Variants in DSE observed in about 807,000 individuals in gnomAD.
The protein encoded by DSE is dermatan sulfate epimerase, also known as dermatan-sulfate epimerase.
In DSE, 36 loss-of-function variants were observed where a neutral mutation model predicts 84.4. The ratio of observed to expected loss-of-function variants is 0.43; its 90% CI spans 0.33 to 0.56. DSE has a LOEUF of 0.56. DSE is among the 20% of genes least tolerant of loss of function. The pLI, the probability that DSE is intolerant of heterozygous loss-of-function variation, is 0.06. For synonymous variants in DSE, 410 were observed against 430.1 expected, an observed-to-expected ratio of 0.95 and a Z score of 0.58; for missense variants, 862 against 1,169.6, an observed-to-expected ratio of 0.74 and a Z score of 3.84.
At chr6:116,279,067 T>C (rs1269295674) in intron 2 of DSE, 2 of 1,613,218 alleles carry the variant, frequency 1.2e-6, no homozygotes, top group East Asian at 2.2e-5. Context: ...CCCAAACTTG[T>C]GCTCCAGCTG....
intron 2 of DSE, among the ~76,000 whole-genome samples, chr6:116,270,971 A>G (rs1772854099): frequency 6.6e-6 from 1 of 152,200 alleles, no homozygotes. Context: ...CATATATGGA[A>G]GTTACTGATA....
In DSE at chr6:116,435,365, C is replaced by T. The variant is rs114304329; in HGVS notation, c.1119-222C>T. On this transcript the variant is annotated intron_variant, in intron 5 of 5. Coordinates refer to ENST00000644252, the MANE Select transcript of DSE (RefSeq NM_013352.4). ...GAGCAGAAATCATTTCGGGCCCAAA[C>T]CCAAGGATCACAAATGATAAAGAAA... Among the ~76,000 whole-genome samples the T allele has an allele frequency of 5.4e-3, 816 of 152,274 alleles. 8 individuals carry two copies. The highest frequency in any genetic ancestry group is 0.019 in the African/African-American group (781 of 41,542).
At chr6:116,360,644 C>T (rs1489504074) in intron 2 of DSE, among the ~76,000 whole-genome samples, 1 of 152,144 alleles carries the variant, frequency 6.6e-6, no homozygotes, top group Non-Finnish European at 1.5e-5. Context: ...TGGAAAAGGT[C>T]GCCACGTTGG....
intron 2 of DSE, among the ~76,000 whole-genome samples, chr6:116,348,572 C>G (rs184127606): frequency 0.013 from 1,970 of 152,234 alleles, 47 homozygotes; most frequent in African/African-American, 0.045. Flanking sequence ...TGTGGCGATT[C>G]CTCAAGGATC....
intron 2 of DSE, among the ~76,000 whole-genome samples, chr6:116,342,177 A>G (rs1270244412): frequency 6.6e-6 from 1 of 151,966 alleles, no homozygotes; most frequent in Non-Finnish European, 1.5e-5. Context: ...TGGTTTTTGC[A>G]CATATTATAA....
At chr6:116,314,421 A>G (rs1285792888) in intron 2 of DSE, among the ~76,000 whole-genome samples, 4 of 152,192 alleles carry the variant, frequency 2.6e-5, no homozygotes, top group Non-Finnish European at 5.9e-5. Flanking sequence ...TGTAACCCAA[A>G]CAAACATTAG....
chr6:116,279,606 C>CGCGGCATCCTGGGGT, intron 2 of DSE: 5 of 1,602,366 alleles, frequency 3.1e-6, no homozygotes, highest in Non-Finnish European at 4.2e-6. Flanking sequence ...CGCCACGGCC[C>CGCGGCATCCTGGGGT]GCGGCATCCT....
chr6:116,370,329 G>C (rs1779444228), upstream of DSE: 1 of 355,254 alleles, frequency 2.8e-6, no homozygotes, highest in African/African-American at 2.2e-5. Flanking sequence ...TGGATTTAGT[G>C]TATTTTGTTG....
chr6:116,415,460 A>G (rs898714782), intron 2 of DSE, among the ~76,000 whole-genome samples: 2 of 152,028 alleles, frequency 1.3e-5, no homozygotes, highest in African/African-American at 2.4e-5. Flanking sequence ...GATTCTTTCA[A>G]TATGGAAACT....
At chr6:116,328,184 CAT>C (rs1201401532) in intron 2 of DSE, among the ~76,000 whole-genome samples, 2 of 152,164 alleles carry the variant, frequency 1.3e-5, no homozygotes, top group Non-Finnish European at 1.5e-5. Context: ...GTCAATGAAA[CAT>C]AGAAAACATA....
At chr6:116,424,973 A>C (rs1783334363) in intron 2 of DSE, among the ~76,000 whole-genome samples, 1 of 152,240 alleles carries the variant, frequency 6.6e-6, no homozygotes, top group South Asian at 2.1e-4. Flanking sequence ...CATTTCTTCC[A>C]ATCATGAGTA....
chr6:116,360,892 A>G lies in DSE; in HGVS notation c.-53-38306A>G, dbSNP rs918496108. On this transcript the variant is annotated intron_variant, in intron 2 of 3. Transcript: ENST00000430252. ...TAATATTTGTGCTGACTGCATGACA[A>G]TTAAATTCACTGGTCAGAGTTCTGA... 7.2e-5 allele frequency among the ~76,000 whole-genome samples: 11 copies of G among 152,240 alleles called. No individual in the cohort carries two copies. The South Asian group carries it at 1.0e-3, about 14-fold the overall frequency.
At position 116,268,600 on chromosome 6, in the gene DSE, C is replaced by T. The variant is rs141565419; in HGVS notation, c.-54+9633C>T. Among the ~76,000 whole-genome samples, 4 of 152,296 alleles carry T rather than the reference C, an allele frequency of 2.6e-5. No homozygotes were observed. In the East Asian group the frequency reaches 7.7e-4, roughly 29 times the overall value. The stretch of plus-strand genomic sequence containing the variant: ...TTCACGATGTCTAGCATCCCTAATG[C>T]CCTTAATGAATACCAGCTGCAGCCC... On this transcript the variant is annotated intron_variant, in intron 2 of 3. Transcript: ENST00000430252.
intron 2 of DSE, among the ~76,000 whole-genome samples, chr6:116,418,335 G>A (rs1782850049): frequency 6.6e-6 from 1 of 152,226 alleles, no homozygotes; most frequent in African/African-American, 2.4e-5. Context: ...AGAGGAGCCT[G>A]GCTAGGGTTT....
chr6:116,282,769 A>T (rs1227204347), intron 2 of DSE, among the ~76,000 whole-genome samples: 1 of 152,244 alleles, frequency 6.6e-6, no homozygotes, highest in Non-Finnish European at 1.5e-5. Flanking sequence ...ACAAGTGCTC[A>T]GGAGAAGGGT....
chr6:116,263,566 T>A (rs1303749198), intron 2 of DSE, among the ~76,000 whole-genome samples: 2 of 152,220 alleles, frequency 1.3e-5, no homozygotes, highest in Non-Finnish European at 2.9e-5. Context: ...AGCTTACCAT[T>A]CTGTGTCTTT....
At chr6:116,298,491 CA>C (rs769437480) in intron 2 of DSE, among the ~76,000 whole-genome samples, 1 of 152,108 alleles carries the variant, frequency 6.6e-6, no homozygotes, top group Non-Finnish European at 1.5e-5. Flanking sequence ...GGCCACTAGC[CA>C]AGGCATGTGG....
At chr6:116,414,130 A>G (rs184506487) in intron 2 of DSE, among the ~76,000 whole-genome samples, 2 of 152,292 alleles carry the variant, frequency 1.3e-5, no homozygotes, top group East Asian at 3.9e-4. Context: ...ACCATAGACT[A>G]GGTGGCTTAA....
At position 116,443,433 on chromosome 6, in the gene DSE, A is replaced by G. The variant is rs1193428704; in HGVS notation, c.*6088A>G. ...CTTGCCTTGTTCAGGGACTTCACAT[A>G]GAATGGTATAACTGGAGTACAGGGT... On this transcript the variant is annotated 3_prime_UTR_variant, in exon 6 of 6. Transcript: ENST00000644252. The G allele has an allele frequency of 6.6e-6, 1 of 152,284 alleles. No homozygotes were observed. Among genetic ancestry groups the G allele is most frequent in the African/African-American group, 2.4e-5 (1 of 41,458 alleles). 9.4% of individuals were successfully genotyped at this position (152,284 alleles called of 1,614,324 possible).
Sources: gnomAD v4.1 joint callset for allele counts (sites outside exome capture counted in the v4.1 genomes callset) on GRCh38, gnomAD v4.1.1 for gene constraint, MANE v1.5 for transcripts, NCBI Gene and HGNC (gene_info 2026-07-23, HGNC 2026-07-21) for gene names.